LRRC7: variants seen among roughly 807,000 people sequenced by gnomAD.
LRRC7 encodes the protein leucine rich repeat containing 7.
A neutral mutation model predicts 175.7 loss-of-function variants in LRRC7; 23 were observed. The observed-to-expected ratio is 0.13, with a 90% CI of 0.09 to 0.19. The LOEUF is 0.19. Among genes scored for constraint, LRRC7 ranks in the 10% least tolerant of loss-of-function variants. The probability of loss-of-function intolerance (pLI) is 1.00; values close to 1 mark genes in which losing one functional copy is unlikely to be tolerated. For synonymous variants in LRRC7, 685 were observed against 680.9 expected (o/e 1.01, Z -0.09); for missense variants, 1,354 against 1,904.7 (o/e 0.71, Z 5.38).
intron 7 of LRRC7, among the ~76,000 whole-genome samples, chr1:69,844,528 C>T (rs906464638): frequency 4.6e-5 from 7 of 152,076 alleles, no homozygotes; most frequent in African/African-American, 9.7e-5. Flanking sequence ...TCTTTTCTAA[C>T]GTGGAATAAT....
intron 24 of LRRC7, among the ~76,000 whole-genome samples, chr1:70,078,761 TGTCAGA>T (rs1266296729): frequency 6.6e-6 from 1 of 151,492 alleles, no homozygotes; most frequent in East Asian, 1.9e-4. Flanking sequence ...AAAAAGAATT[TGTCAGA>T]GTCAAATAAT....
chr1:69,797,083 T>C (rs1675877138), intron 4 of LRRC7, among the ~76,000 whole-genome samples: 1 of 152,138 alleles, frequency 6.6e-6, no homozygotes, highest in African/African-American at 2.4e-5. Context: ...TCATCAAATG[T>C]TTGGCAGGTA....
chr1:70,005,138 A>G (rs1007428139), intron 11 of LRRC7, among the ~76,000 whole-genome samples: 7 of 152,090 alleles, frequency 4.6e-5, no homozygotes, highest in Non-Finnish European at 7.4e-5. Flanking sequence ...TTGAAACTCT[A>G]TATGTTAGAT....
chr1:69,760,763 GGTGACATTATATTACAACC>G (rs1670953860), intron 3 of LRRC7, among the ~76,000 whole-genome samples: 2 of 151,940 alleles, frequency 1.3e-5, no homozygotes, highest in African/African-American at 4.8e-5. Context: ...TGTATATTAA[GGTGACATTATATTACAACC>G]TTGAATTGTA....
intron 8 of LRRC7, among the ~76,000 whole-genome samples, chr1:69,974,107 T>G (rs1237196320): frequency 6.6e-6 from 1 of 152,220 alleles, no homozygotes; most frequent in Non-Finnish European, 1.5e-5. Flanking sequence ...TGTAAATTGA[T>G]TTGTGCTATA....
intron 7 of LRRC7, among the ~76,000 whole-genome samples, chr1:69,869,271 T>C (rs1315413057): frequency 6.6e-6 from 1 of 152,062 alleles, no homozygotes; most frequent in East Asian, 1.9e-4. Context: ...AAGGGACAAA[T>C]TACTGAAATA....
chr1:69,938,501 C>A (rs181755820), intron 8 of LRRC7, among the ~76,000 whole-genome samples: 3 of 151,894 alleles, frequency 2.0e-5, no homozygotes, highest in Non-Finnish European at 4.4e-5. Context: ...AAGAAAAATT[C>A]CTAGAATAGA....
intron 8 of LRRC7, among the ~76,000 whole-genome samples, chr1:69,951,107 C>A (rs560726937): frequency 7.8e-4 from 116 of 149,582 alleles, no homozygotes; most frequent in African/African-American, 2.6e-3. Flanking sequence ...AAAAAAAAAA[C>A]CATTAAAAAG....
At chr1:69,607,457 T>C (rs1434533985) in intron 1 of LRRC7, 1 of 152,136 alleles carries the variant, frequency 6.6e-6, no homozygotes, top group Non-Finnish European at 1.5e-5. Flanking sequence ...TTAATTTTCA[T>C]TTTTCTTCCC....
chr1:69,751,705 T>C (rs1413380095), intron 2 of LRRC7, among the ~76,000 whole-genome samples: 2 of 152,112 alleles, frequency 1.3e-5, no homozygotes, highest in Admixed American at 6.6e-5. Flanking sequence ...GAATCATTCA[T>C]AGAAAGAAGC....
At chr1:69,763,978 G>T (rs1312209023) in intron 3 of LRRC7, among the ~76,000 whole-genome samples, 1 of 151,926 alleles carries the variant, frequency 6.6e-6, no homozygotes, top group Non-Finnish European at 1.5e-5. Context: ...ACTATAAGAT[G>T]TTATGTAATA....
At chr1:69,917,011 A>T (rs1570642721) in intron 7 of LRRC7, among the ~76,000 whole-genome samples, 1 of 152,172 alleles carries the variant, frequency 6.6e-6, no homozygotes, top group Non-Finnish European at 1.5e-5. Context: ...TACAGGCAGG[A>T]GCAACAGCAA....
Position 70,039,219 on chromosome 1 carries a change from A to G in LRRC7, c.3395A>G (p.Asn1132Ser). ...QMFSFSQPSV[N>S]EDAVVNAQFA... is the part of the protein sequence containing the mutation. ...TTTTCATTTTCTCAGCCATCTGTGA[A>G]TGAGGATGCTGTGGTGAATGCCCAG... Residue 1132 changes from asparagine (N) to serine (S), a missense_variant, in exon 21 of 27, where the codon AAT becomes AGT. Physicochemically the swap from Asn to Ser is conservative, Grantham distance 46. Transcript: ENST00000651989. 1 of 1,614,016 alleles carries G rather than the reference A, an allele frequency of 6.2e-7. No homozygotes were observed. Among genetic ancestry groups the G allele is most frequent in the East Asian group, 2.2e-5 (1 of 44,868 alleles).
chr1:70,099,943 G>T (rs1664695753), intron 25 of LRRC7, among the ~76,000 whole-genome samples: 1 of 151,962 alleles, frequency 6.6e-6, no homozygotes, highest in African/African-American at 2.4e-5. Context: ...TTTCCTAAGA[G>T]TCCAGAAATC....
intron 7 of LRRC7, among the ~76,000 whole-genome samples, chr1:69,910,605 T>G (rs1646493080): frequency 6.6e-6 from 1 of 152,106 alleles, no homozygotes; most frequent in African/African-American, 2.4e-5. Context: ...GTGTCAGTCT[T>G]CCCCTACTGG....
At chr1:69,687,440 G>A (rs1661290187) in intron 2 of LRRC7, among the ~76,000 whole-genome samples, 1 of 148,118 alleles carries the variant, frequency 6.8e-6, no homozygotes, top group Non-Finnish European at 1.5e-5. Context: ...AGCCCGGGAG[G>A]CGGAGGTTGC....
At chr1:70,053,227 C>A in intron 23 of LRRC7, 82 bp downstream of exon 23, 2 of 1,262,112 alleles carry the variant, frequency 1.6e-6, no homozygotes, top group Non-Finnish European at 1.0e-6. Flanking sequence ...TGTGTCTTAT[C>A]ATAATTTCTA....
At chr1:69,578,090 C>T (rs1239408191) in intron 1 of LRRC7, among the ~76,000 whole-genome samples, 1 of 151,894 alleles carries the variant, frequency 6.6e-6, no homozygotes, top group Non-Finnish European at 1.5e-5. Flanking sequence ...CAAACAAATT[C>T]ACAAGAAAAA....
chr1:70,074,616 G>A (rs971929561), intron 23 of LRRC7, among the ~76,000 whole-genome samples: 5 of 152,054 alleles, frequency 3.3e-5, no homozygotes, highest in African/African-American at 1.2e-4. Context: ...TTTTCCTCCC[G>A]TTTCTCATGT....
Sources: gnomAD v4.1 joint callset for allele counts (sites outside exome capture counted in the v4.1 genomes callset) on GRCh38, gnomAD v4.1.1 for gene constraint, MANE v1.5 for transcripts, NCBI Gene and HGNC (gene_info 2026-07-23, HGNC 2026-07-21) for gene names.